The following ATRNL1 variants were observed in gnomAD, a reference collection of about 807,000 sequenced individuals.
ATRNL1 encodes attractin-like protein 1.
Under a neutral mutation model 182.7 loss-of-function variants are expected in ATRNL1, and 95 were observed. That is an observed-to-expected ratio of 0.52 (90% CI 0.44 to 0.62). ATRNL1 has a LOEUF of 0.62. Among genes scored for constraint, ATRNL1 ranks in the 20% least tolerant of loss-of-function variants. The pLI is 0.00. For synonymous variants in ATRNL1, 576 were observed against 568.3 expected, an observed-to-expected ratio of 1.01 and a Z score of -0.19; for missense variants, 1,471 against 1,679.5, an observed-to-expected ratio of 0.88 and a Z score of 2.17.
chr10:115,919,273 C>T (rs782324389), intron 28 of ATRNL1, among the ~76,000 whole-genome samples: 2 of 152,148 alleles, frequency 1.3e-5, no homozygotes, highest in Admixed American at 6.5e-5. Flanking sequence ...AACAAGAGAA[C>T]CTGAAAGTTA....
At chr10:115,672,284 C>G (rs1412599766) in intron 26 of ATRNL1, among the ~76,000 whole-genome samples, 1 of 152,010 alleles carries the variant, frequency 6.6e-6, no homozygotes, top group African/African-American at 2.4e-5. Context: ...GTGACTTGCC[C>G]TAGATTAAAC....
At chr10:115,476,986 T>C (rs1848560445) in intron 24 of ATRNL1, among the ~76,000 whole-genome samples, 1 of 151,518 alleles carries the variant, frequency 6.6e-6, no homozygotes, top group East Asian at 1.9e-4. Context: ...CTGAGGTAGC[T>C]AAAGGAATAG....
chr10:115,561,997 A>G (rs539109135), intron 26 of ATRNL1, among the ~76,000 whole-genome samples: 1 of 152,260 alleles, frequency 6.6e-6, no homozygotes, highest in South Asian at 2.1e-4. Context: ...ATGTTTCCAT[A>G]TGACCCAGCA....
At chr10:115,560,073 A>C (rs1360250507) in intron 26 of ATRNL1, among the ~76,000 whole-genome samples, 1 of 152,240 alleles carries the variant, frequency 6.6e-6, no homozygotes, top group African/African-American at 2.4e-5. Flanking sequence ...AATCAGTTGT[A>C]TTTCTATACA....
Position 115,694,911 on chromosome 10 carries a change from T to TCACA in ATRNL1, c.3796-32320_3796-32317dup, listed in dbSNP as rs371950891. 1.4e-3 allele frequency among the ~76,000 whole-genome samples: 181 copies of TCACA among 131,706 alleles called. 1 individual carries two copies. In the South Asian group the frequency reaches 0.015, roughly 11 times the overall value. 86.4% of individuals were successfully genotyped at this position (131,706 alleles called of 152,430 possible). ...TTTTTTTTTTACAAATGTTATAAAA[T>TCACA]CACACACACACACACACACATGCAC... is the stretch of plus-strand genomic sequence containing the variant. On this transcript the variant is annotated intron_variant, in intron 26 of 28. Transcript: ENST00000355044.
At chr10:115,626,351 T>G (rs1334644722) in intron 26 of ATRNL1, among the ~76,000 whole-genome samples, 2 of 152,204 alleles carry the variant, frequency 1.3e-5, no homozygotes, top group Non-Finnish European at 2.9e-5. Flanking sequence ...TAGGTTCATT[T>G]TAAACATCAG....
chr10:115,617,353 G>T (rs908432984), intron 26 of ATRNL1, among the ~76,000 whole-genome samples: 3 of 132,428 alleles, frequency 2.3e-5, no homozygotes, highest in Admixed American at 1.7e-4. Context: ...AACTAACTTG[G>T]TTTTTTTTTG....
chr10:115,375,103 GT>G (rs1279366842), intron 19 of ATRNL1, among the ~76,000 whole-genome samples: 1 of 151,042 alleles, frequency 6.6e-6, no homozygotes, highest in Non-Finnish European at 1.5e-5. Flanking sequence ...TTATTTTATT[GT>G]AGTCTATCTG....
intron 1 of ATRNL1, among the ~76,000 whole-genome samples, chr10:115,116,487 G>A (rs1844490619): frequency 6.6e-6 from 1 of 151,964 alleles, no homozygotes; most frequent in Non-Finnish European, 1.5e-5. Flanking sequence ...GTTAGAGTAT[G>A]GTCCTGGAGT....
intron 5 of ATRNL1, among the ~76,000 whole-genome samples, chr10:115,131,564 A>G (rs182801992): frequency 6.6e-6 from 1 of 152,264 alleles, no homozygotes; most frequent in East Asian, 1.9e-4. Flanking sequence ...TTTCAGATAT[A>G]TATAGAATGG....
chr10:115,635,202 A>G (rs148899013), intron 26 of ATRNL1, among the ~76,000 whole-genome samples: 2 of 152,236 alleles, frequency 1.3e-5, no homozygotes, highest in Non-Finnish European at 1.5e-5. Flanking sequence ...TAGTGAAAAA[A>G]CAAGCAATGG....
intron 9 of ATRNL1, among the ~76,000 whole-genome samples, chr10:115,228,051 A>G (rs1849768170): frequency 6.6e-6 from 1 of 152,162 alleles, no homozygotes; most frequent in Non-Finnish European, 1.5e-5. Flanking sequence ...TATATATTAT[A>G]CTTCATAAAA....
chr10:115,865,996 CT>C (rs1589622599), intron 28 of ATRNL1, among the ~76,000 whole-genome samples: 1 of 152,002 alleles, frequency 6.6e-6, no homozygotes, highest in Non-Finnish European at 1.5e-5. Context: ...CTAATTCTGC[CT>C]ATCATTTTAA....
intron 27 of ATRNL1, among the ~76,000 whole-genome samples, chr10:115,807,061 A>G (rs903976952): frequency 7.3e-5 from 11 of 150,854 alleles, no homozygotes; most frequent in African/African-American, 2.7e-4. Context: ...TTTTTAAGTG[A>G]GTTACCAGGA....
intron 24 of ATRNL1, among the ~76,000 whole-genome samples, chr10:115,491,210 G>T (rs1285490451): frequency 2.0e-5 from 3 of 152,134 alleles, no homozygotes; most frequent in African/African-American, 7.2e-5. Flanking sequence ...TACACTGGGG[G>T]TCAGGGACCC....
chr10:115,818,282 A>G (rs1413427348), intron 27 of ATRNL1, among the ~76,000 whole-genome samples: 3 of 151,444 alleles, frequency 2.0e-5, no homozygotes, highest in Middle Eastern at 3.5e-3. Flanking sequence ...GAGCTTTATG[A>G]AAAGGTATAG....
At position 115,364,951 on chromosome 10, in the gene ATRNL1, G is replaced by T. The variant is rs868975682; in HGVS notation, c.3176-29708G>T. 6.3e-3 allele frequency among the ~76,000 whole-genome samples: 950 copies of T among 150,596 alleles called. 7 individuals are homozygous for T. The highest frequency in any genetic ancestry group is 7.7e-3 in the Non-Finnish European group (522 of 67,826). Reference sequence around the variant, plus strand: ...ATTTTATTGAGGATTTTTGCATCAAGGTTCATCAAGGATATTGGTCTAAAA... The same window carrying T: ...ATTTTATTGAGGATTTTTGCATCAATGTTCATCAAGGATATTGGTCTAAAA... On this transcript the variant is annotated intron_variant, in intron 19 of 28. Transcript: ENST00000355044.
intron 9 of ATRNL1, among the ~76,000 whole-genome samples, chr10:115,229,465 A>T (rs1039947480): frequency 2.0e-5 from 3 of 152,028 alleles, no homozygotes; most frequent in Non-Finnish European, 2.9e-5. Context: ...TTTCAATGAA[A>T]ATTTTGTTGG....
intron 26 of ATRNL1, among the ~76,000 whole-genome samples, chr10:115,688,279 T>C (rs529042293): frequency 1.3e-5 from 2 of 152,260 alleles, no homozygotes. Context: ...GCAGTAACCA[T>C]GTGAGTCCAG....
Sources: allele counts gnomAD v4.1 joint callset (sites outside exome capture counted in the v4.1 genomes callset), GRCh38; gene constraint gnomAD v4.1.1; transcripts MANE v1.5; gene names NCBI Gene and HGNC (gene_info 2026-07-23, HGNC 2026-07-21).